The following PSMD14 variants were observed in gnomAD, a reference collection of about 807,000 sequenced individuals.
PSMD14 encodes the protein ubiquitin C-terminal hydrolase PSMD14.
In PSMD14, 7 loss-of-function variants were observed where a neutral mutation model predicts 41.2. The ratio of observed to expected loss-of-function variants is 0.17; its 90% CI spans 0.10 to 0.32. PSMD14 has a LOEUF of 0.32. PSMD14 is among the 10% of genes least tolerant of loss of function. The pLI, the probability that PSMD14 is intolerant of heterozygous loss-of-function variation, is 1.00. For missense variants in PSMD14, 139 were observed against 375.6 expected (o/e 0.37, Z 5.21); for synonymous variants, 114 against 122.3 (o/e 0.93, Z 0.45).
At chr2:161,368,007 AG>A in intron 5 of PSMD14, 104 bp downstream of exon 5, 1 of 1,291,014 alleles carries the variant, frequency 7.7e-7, no homozygotes, top group Non-Finnish European at 1.0e-6. Flanking sequence ...TCTTTCCAGT[AG>A]GAAAAATTAA....
chr2:161,325,421 TGTG>T (rs1682681031), intron 3 of PSMD14, among the ~76,000 whole-genome samples: 1 of 152,232 alleles, frequency 6.6e-6, no homozygotes, highest in Non-Finnish European at 1.5e-5. Context: ...GGTTTCTTAT[TGTG>T]GTGGTTGGGA....
At chr2:161,340,738 G>T in intron 3 of PSMD14, 1 of 1,607,624 alleles carries the variant, frequency 6.2e-7, no homozygotes. Flanking sequence ...CTCCTCTCTG[G>T]GGTTTCCATT....
chr2:161,411,474 A>C lies in PSMD14; in HGVS notation c.*74A>C. ...TGTTCCTAATGCTCAAAATCAAGGGACCTCTGAAGGTGTACTTGGCTAAAT... is the reference window on the plus strand; with the variant it reads ...TGTTCCTAATGCTCAAAATCAAGGGCCCTCTGAAGGTGTACTTGGCTAAAT... On this transcript the variant is annotated 3_prime_UTR_variant, in exon 12 of 12. Coordinates refer to ENST00000409682, the MANE Select transcript of PSMD14 (RefSeq NM_005805.6). 1 of 1,082,660 alleles carries C rather than the reference A, an allele frequency of 9.2e-7. No homozygotes were observed. The highest frequency in any genetic ancestry group is 1.3e-6 in the Non-Finnish European group (1 of 757,670). 67.1% of individuals were successfully genotyped at this position (1,082,660 alleles called of 1,614,324 possible).
intron 3 of PSMD14, among the ~76,000 whole-genome samples, chr2:161,367,070 G>T (rs1453683979): frequency 6.6e-6 from 1 of 152,176 alleles, no homozygotes; most frequent in Non-Finnish European, 1.5e-5. Context: ...TGATGAATTT[G>T]CAGAGGAATC....
chr2:161,358,998 G>A (rs1452146374), intron 3 of PSMD14, among the ~76,000 whole-genome samples: 3 of 152,038 alleles, frequency 2.0e-5, no homozygotes, highest in African/African-American at 7.3e-5. Flanking sequence ...TGGAGATAGG[G>A]CCTCGTTGTC....
intron 3 of PSMD14, among the ~76,000 whole-genome samples, chr2:161,353,855 C>G (rs1448346369): frequency 6.6e-6 from 1 of 152,082 alleles, no homozygotes; most frequent in Non-Finnish European, 1.5e-5. Flanking sequence ...GTATGTCTCT[C>G]TGTGTGTAAT....
intron 3 of PSMD14, among the ~76,000 whole-genome samples, chr2:161,340,003 T>A (rs181321473): frequency 2.6e-4 from 39 of 152,366 alleles, no homozygotes; most frequent in African/African-American, 8.9e-4. Context: ...AGAAACGCAT[T>A]TGAGACTGAT....
At chr2:161,310,717 T>C (rs2105226750) in intron 1 of PSMD14, among the ~76,000 whole-genome samples, 1 of 152,364 alleles carries the variant, frequency 6.6e-6, no homozygotes, top group South Asian at 2.1e-4. Context: ...ATCCCCACTT[T>C]ATAAATGAGG....
intron 3 of PSMD14, among the ~76,000 whole-genome samples, chr2:161,329,821 G>A (rs779176012): frequency 2.6e-5 from 4 of 152,098 alleles, no homozygotes; most frequent in Admixed American, 6.5e-5. Context: ...CAGGTCAAAA[G>A]CAAGCTAATT....
intron 3 of PSMD14, among the ~76,000 whole-genome samples, chr2:161,327,315 C>T (rs532835685): frequency 1.9e-4 from 29 of 151,936 alleles, no homozygotes; most frequent in Non-Finnish European, 3.8e-4. Flanking sequence ...ATTGGTTGTG[C>T]GACAGTGTTA....
chr2:161,312,074 G>A (rs1689094305), intron 1 of PSMD14, among the ~76,000 whole-genome samples: 1 of 151,814 alleles, frequency 6.6e-6, no homozygotes, highest in Non-Finnish European at 1.5e-5. Flanking sequence ...AGAAAACAGA[G>A]GAATTAGAAA....
At chr2:161,406,143 C>T (rs1044748705) in intron 10 of PSMD14, among the ~76,000 whole-genome samples, 2 of 152,030 alleles carry the variant, frequency 1.3e-5, no homozygotes, top group African/African-American at 4.8e-5. Context: ...ATATAAGAAA[C>T]TTGACCATTA....
intron 3 of PSMD14, chr2:161,340,931 C>T: frequency 2.5e-6 from 4 of 1,613,770 alleles, no homozygotes; most frequent in Non-Finnish European, 2.5e-6. Context: ...CGTCCTCCTC[C>T]TCAGGCCCTT....
intron 3 of PSMD14, among the ~76,000 whole-genome samples, chr2:161,327,485 CAT>C (rs1283598663): frequency 6.6e-6 from 1 of 152,094 alleles, no homozygotes. Flanking sequence ...AATAAACTCA[CAT>C]GTGAACTAGT....
chr2:161,312,366 AC>A (rs1174036672), intron 1 of PSMD14, among the ~76,000 whole-genome samples: 1 of 151,416 alleles, frequency 6.6e-6, no homozygotes, highest in African/African-American at 2.4e-5. Context: ...CTGGTCTTGA[AC>A]CCCTGACCTC....
chr2:161,372,165 T>C (rs967636072), intron 7 of PSMD14, among the ~76,000 whole-genome samples: 12 of 152,078 alleles, frequency 7.9e-5, no homozygotes, highest in Non-Finnish European at 1.0e-4. Context: ...TGGTTACTGC[T>C]TTAAAATACT....
At chr2:161,380,515 C>T (rs1371482681) in intron 7 of PSMD14, among the ~76,000 whole-genome samples, 1 of 151,872 alleles carries the variant, frequency 6.6e-6, no homozygotes, top group Non-Finnish European at 1.5e-5. Context: ...CAAGTTACAC[C>T]CCATCCCCCT....
intron 10 of PSMD14, among the ~76,000 whole-genome samples, chr2:161,406,501 C>T (rs555183453): frequency 6.6e-6 from 1 of 152,152 alleles, no homozygotes; most frequent in Non-Finnish European, 1.5e-5. Context: ...GTTTCTGCTG[C>T]AATCATTTCT....
At chr2:161,391,287 C>G in intron 9 of PSMD14, 109 bp downstream of exon 9, 4 of 1,105,638 alleles carry the variant, frequency 3.6e-6, no homozygotes, top group Non-Finnish European at 4.9e-6. Flanking sequence ...TTCAGTGTTT[C>G]CAAATATTAT....
Sources: gnomAD v4.1 joint callset for allele counts (sites outside exome capture counted in the v4.1 genomes callset) on GRCh38, gnomAD v4.1.1 for gene constraint, MANE v1.5 for transcripts, NCBI Gene and HGNC (gene_info 2026-07-23, HGNC 2026-07-21) for gene names.